C6orf89: variants seen among roughly 807,000 people sequenced by gnomAD.
The protein encoded by C6orf89 is bombesin receptor-activated protein C6orf89.
In C6orf89, 29 loss-of-function variants were observed where a neutral mutation model predicts 40.7. The observed-to-expected ratio is 0.71, with a 90% confidence interval of 0.53 to 0.97. The LOEUF (loss-of-function observed/expected upper bound fraction) is 0.97, where lower values mean the gene tolerates loss of function less well. Ranked by LOEUF, C6orf89 falls within the 50% of genes least tolerant of loss-of-function variation. C6orf89 has a pLI of 0.00. For missense variants in C6orf89, 392 were observed against 429.1 expected (o/e 0.91, Z 0.76); for synonymous variants, 165 against 152.2 (o/e 1.08, Z -0.62).
intron 1 of C6orf89, among the ~76,000 whole-genome samples, chr6:36,876,465 C>T (rs1210135768): frequency 2.6e-5 from 4 of 152,100 alleles, no homozygotes; most frequent in Non-Finnish European, 4.4e-5. Context: ...GTGGCTGACA[C>T]CTGTAATCTG....
intron 1 of C6orf89, chr6:36,871,987 T>A: frequency 1.0e-6 from 1 of 973,044 alleles, no homozygotes; most frequent in Non-Finnish European, 1.4e-6. Context: ...GAAATTGTGA[T>A]AACCACTGGA....
intron 4 of C6orf89, among the ~76,000 whole-genome samples, chr6:36,905,415 T>C (rs1224952422): frequency 6.6e-6 from 1 of 152,198 alleles, no homozygotes; most frequent in Non-Finnish European, 1.5e-5. Flanking sequence ...GGATCATCAG[T>C]TACTTTCTCT....
upstream of C6orf89, chr6:36,885,903 G>A (rs1774958459): frequency 4.5e-6 from 3 of 662,652 alleles, no homozygotes; most frequent in Non-Finnish European, 5.7e-6. Context: ...TAGGGTACAA[G>A]GCCTCGCCCA....
At chr6:36,897,129 C>CAAAAAAAA (rs34191608) in intron 2 of C6orf89, among the ~76,000 whole-genome samples, 86 of 85,212 alleles carry the variant, frequency 1.0e-3, no homozygotes, top group South Asian at 1.2e-3. Flanking sequence ...GACTCTGTCT[C>CAAAAAAAA]AAAAAAAAAA....
At position 36,919,689 on chromosome 6, in the gene C6orf89, C is replaced by T; in HGVS notation, c.937C>T (p.Pro313Ser). Reference protein sequence around the residue: ...HCQSVAMPIEPGDIGYVDTTH... With the variant: ...HCQSVAMPIESGDIGYVDTTH... ...TCAGTCTGTGGCCATGCCAATAGAG[C>T]CAGGGGATATCGGTATGTAGGGCCC... The change falls in exon 8 of 9, where the codon CCA becomes TCA. Residue 313 changes from proline to serine, a missense_variant. By Grantham distance (74) the Pro-to-Ser change is moderately conservative. Coordinates refer to ENST00000480824, the MANE Select transcript of C6orf89 (RefSeq NM_001286635.2). 1.9e-6 allele frequency: 3 copies of T among 1,613,188 alleles called. No individual in the cohort carries two copies. Among genetic ancestry groups the T allele is most frequent in the African/African-American group, 1.3e-5 (1 of 75,020 alleles).
At chr6:36,917,577 C>T (rs1258550308) in intron 7 of C6orf89, among the ~76,000 whole-genome samples, 1 of 152,190 alleles carries the variant, frequency 6.6e-6, no homozygotes, top group Non-Finnish European at 1.5e-5. Context: ...CCATGGCTTC[C>T]ACCTCCTGAT....
intron 8 of C6orf89, among the ~76,000 whole-genome samples, chr6:36,921,387 C>T (rs1762504108): frequency 6.6e-6 from 1 of 152,124 alleles, no homozygotes; most frequent in Non-Finnish European, 1.5e-5. Context: ...ACCTTAGGGA[C>T]CCTTAAGAAT....
chr6:36,891,661 A>G lies in C6orf89; in HGVS notation c.-119-2843A>G, dbSNP rs142339603. Among the ~76,000 whole-genome samples the G allele has an allele frequency of 6.8e-4, 103 of 152,368 alleles. 3 individuals carry two copies. The East Asian group carries it at 0.018, about 26-fold the overall frequency. The stretch of plus-strand genomic sequence containing the variant: ...CACTGGATAAAATAGAATGGAATAT[A>G]TTCATAACACTAAAGAATGGATACC... On this transcript the variant is annotated intron_variant, in intron 1 of 8. Coordinates refer to ENST00000480824, the MANE Select transcript of C6orf89 (RefSeq NM_001286635.2).
Position 36,886,021 on chromosome 6 carries a change from C to A in C6orf89, c.-127C>A. 8.0e-7 allele frequency: 1 copy of A among 1,257,770 alleles called. No individual in the cohort carries two copies. The highest frequency in any genetic ancestry group is 1.0e-6 in the Non-Finnish European group (1 of 998,340). 77.9% of individuals were successfully genotyped at this position (1,257,770 alleles called of 1,614,324 possible). A position where few individuals can be genotyped will look rare whatever the true frequency, so the allele number is the denominator to read the frequency against. On this transcript the variant is annotated 5_prime_UTR_variant, in exon 1 of 9. Transcript: ENST00000480824. ...GCGGGAGGAGCCCGAGGGGCGCGAG[C>A]CCCGCATGTGAGTGACTGGGGCCCG...
chr6:36,873,730 G>A (rs578077818), intron 1 of C6orf89, among the ~76,000 whole-genome samples: 1 of 152,310 alleles, frequency 6.6e-6, no homozygotes, highest in Non-Finnish European at 1.5e-5. Flanking sequence ...TGAGCAAATA[G>A]AGAGAGGACT....
intron 8 of C6orf89, among the ~76,000 whole-genome samples, chr6:36,920,150 TAAAAC>T (rs1302399438): frequency 6.6e-6 from 1 of 151,944 alleles, no homozygotes; most frequent in Non-Finnish European, 1.5e-5. Flanking sequence ...ATTTTGCAAA[TAAAAC>T]AATACCAAGC....
chr6:36,881,474 A>C (rs921519461), upstream of C6orf89, among the ~76,000 whole-genome samples: 5 of 152,118 alleles, frequency 3.3e-5, no homozygotes, highest in Non-Finnish European at 5.9e-5. Flanking sequence ...GGAGTTCGAG[A>C]CCAGCCTGGC....
At chr6:36,915,523 C>T (rs1416404218) in intron 6 of C6orf89, among the ~76,000 whole-genome samples, 1 of 152,134 alleles carries the variant, frequency 6.6e-6, no homozygotes, top group Admixed American at 6.5e-5. Flanking sequence ...GGGTTGATCA[C>T]TTGGGCCCGG....
At position 36,902,314 on chromosome 6, in the gene C6orf89, C is replaced by T; in HGVS notation, c.283C>T (p.His95Tyr). 6.2e-7 allele frequency: 1 copy of T among 1,614,188 alleles called. No homozygotes were observed. The highest frequency in any genetic ancestry group is 8.5e-7 in the Non-Finnish European group (1 of 1,180,024). ...LAPEPVLSGAHTWRSLIHHIR... is the reference protein window; with the variant it reads ...LAPEPVLSGAYTWRSLIHHIR... The stretch of plus-strand genomic sequence containing the variant: ...ACCTGAGCCAGTGCTTTCTGGAGCT[C>T]ACACCTGGCGCTCACTCATCCATCA... Residue 95 changes from histidine to tyrosine, a missense_variant, in exon 4 of 9, where the codon CAC becomes TAC. His to Tyr is a moderately conservative substitution (Grantham distance 83). Coordinates refer to ENST00000480824, the MANE Select transcript of C6orf89 (RefSeq NM_001286635.2).
At chr6:36,899,141 A>G (rs1761563764) in intron 2 of C6orf89, among the ~76,000 whole-genome samples, 1 of 152,116 alleles carries the variant, frequency 6.6e-6, no homozygotes, top group African/African-American at 2.4e-5. Context: ...TCCCATTAGG[A>G]TATATTGTGC....
At position 36,894,518 on chromosome 6, in the gene C6orf89, A is replaced by C; in HGVS notation, c.-105A>C. On this transcript the variant is annotated 5_prime_UTR_variant, in exon 2 of 9. Transcript: ENST00000480824. ...TCTATTTGCAGGAATCATTGTAGTC[A>C]ATCATTTTCCAGTTCTCAGCCGCTC... is the stretch of plus-strand genomic sequence containing the variant. 5.1e-6 allele frequency: 5 copies of C among 985,300 alleles called. No homozygotes were observed. The highest frequency in any genetic ancestry group is 6.0e-6 in the Non-Finnish European group (5 of 829,794). The allele number at this position is 985,300 out of a possible 1,614,324, so 61.0% of individuals were successfully genotyped here.
At chr6:36,893,347 A>G (rs544876074) in intron 1 of C6orf89, among the ~76,000 whole-genome samples, 1 of 152,110 alleles carries the variant, frequency 6.6e-6, no homozygotes, top group East Asian at 1.9e-4. Flanking sequence ...GTCTCCAGGC[A>G]TCCCTGGGGG....
chr6:36,907,275 C>CTTTTGTTTTGTTTTG lies in C6orf89; in HGVS notation c.403+4866_403+4880dup, dbSNP rs58524464. Among the ~76,000 whole-genome samples, 1,443 of 151,176 alleles carry CTTTTGTTTTGTTTTG rather than the reference C, an allele frequency of 9.5e-3. 22 individuals carry two copies. The highest frequency in any genetic ancestry group is 0.032 in the African/African-American group (1,327 of 40,972). ...GGAGTTTTTTGTCCTGGAAAGAAAT[C>CTTTTGTTTTGTTTTG]TTTTGTTTTGTTTTGTTTTGTTTTG... On this transcript the variant is annotated intron_variant, in intron 4 of 8. Coordinates refer to ENST00000480824, the MANE Select transcript of C6orf89 (RefSeq NM_001286635.2).
intron 1 of C6orf89, chr6:36,874,578 G>A (rs1449854794): frequency 1.7e-6 from 2 of 1,185,812 alleles, no homozygotes; most frequent in Non-Finnish European, 2.4e-6. Context: ...TCAACCCTCT[G>A]GGGGCCGTCT....
Sources: gnomAD v4.1 joint callset for allele counts (sites outside exome capture counted in the v4.1 genomes callset) on GRCh38, gnomAD v4.1.1 for gene constraint, MANE v1.5 for transcripts, NCBI Gene and HGNC (gene_info 2026-07-23, HGNC 2026-07-21) for gene names.